The following SYT14 variants were observed in gnomAD, a reference collection of about 807,000 sequenced individuals.
SYT14 encodes the protein synaptotagmin-14.
SYT14 carries 32 observed loss-of-function variants against 74.2 expected under a neutral mutation model. The observed-to-expected ratio is 0.43, with a 90% confidence interval of 0.33 to 0.58. SYT14 has a LOEUF of 0.58. SYT14 is among the 20% of genes least tolerant of loss of function. The probability of loss-of-function intolerance (pLI) is 0.05; values close to 1 mark genes in which losing one functional copy is unlikely to be tolerated. For missense variants in SYT14, 791 were observed against 981.8 expected, an observed-to-expected ratio of 0.81 and a Z score of 2.60; for synonymous variants, 298 against 337.7, an observed-to-expected ratio of 0.88 and a Z score of 1.29.
At chr1:210,022,969 G>A (rs186134948) in intron 5 of SYT14, among the ~76,000 whole-genome samples, 2 of 152,140 alleles carry the variant, frequency 1.3e-5, no homozygotes, top group Non-Finnish European at 2.9e-5. Context: ...ACACAATCTA[G>A]GTGCTTCTAC....
chr1:209,997,212 G>A (rs1460547702), intron 2 of SYT14, among the ~76,000 whole-genome samples: 4 of 152,058 alleles, frequency 2.6e-5, no homozygotes, highest in African/African-American at 7.2e-5. Context: ...GATTCTACAC[G>A]TAGAAAATCC....
chr1:210,140,770 A>G (rs903888382), intron 7 of SYT14, among the ~76,000 whole-genome samples: 9 of 151,988 alleles, frequency 5.9e-5, no homozygotes, highest in Non-Finnish European at 5.9e-5. Flanking sequence ...TTTTTCATTT[A>G]TTTGTGTTGG....
chr1:209,987,947 G>GT (rs1430550984), intron 2 of SYT14, among the ~76,000 whole-genome samples: 2 of 151,762 alleles, frequency 1.3e-5, no homozygotes, highest in East Asian at 3.9e-4. Flanking sequence ...AGTTTTCTTC[G>GT]TTTTTTTCTT....
chr1:210,155,866 T>G, exon 8 of SYT14: 1 of 1,614,096 alleles, frequency 6.2e-7, no homozygotes, highest in Non-Finnish European at 8.5e-7. Flanking sequence ...GCAGAAGTGA[T>G]AAAAGGCAGC....
intron 2 of SYT14, among the ~76,000 whole-genome samples, chr1:209,956,645 C>G (rs949552021): frequency 2.6e-5 from 4 of 152,154 alleles, no homozygotes; most frequent in African/African-American, 9.7e-5. Context: ...CCAAGAAGTA[C>G]AGCAACCTAT....
chr1:210,077,342 A>G (rs1296945953), intron 5 of SYT14, among the ~76,000 whole-genome samples: 1 of 152,168 alleles, frequency 6.6e-6, no homozygotes, highest in African/African-American at 2.4e-5. Context: ...CCACCCCATC[A>G]CCCAAACGCT....
intron 5 of SYT14, among the ~76,000 whole-genome samples, chr1:210,086,387 A>C (rs2081731586): frequency 6.6e-6 from 1 of 152,188 alleles, no homozygotes; most frequent in Admixed American, 6.5e-5. Context: ...ATATGGACTC[A>C]TAGTTTTCTC....
intron 2 of SYT14, among the ~76,000 whole-genome samples, chr1:209,983,230 T>TC (rs201893032): frequency 0.027 from 4,165 of 152,308 alleles, 88 homozygotes; most frequent in Non-Finnish European, 0.042. Flanking sequence ...CTATTTTTTT[T>TC]CATGGATTGT....
intron 4 of SYT14, among the ~76,000 whole-genome samples, chr1:210,018,445 T>C (rs575861995): frequency 6.6e-6 from 1 of 152,218 alleles, no homozygotes; most frequent in South Asian, 2.1e-4. Context: ...TCTAGCAGTT[T>C]TTTGATTGTC....
At chr1:210,079,348 A>G (rs1299703021) in intron 5 of SYT14, among the ~76,000 whole-genome samples, 1 of 152,150 alleles carries the variant, frequency 6.6e-6, no homozygotes, top group African/African-American at 2.4e-5. Flanking sequence ...TGTTACCGTT[A>G]TATCCATGTG....
chr1:210,035,027 T>C (rs535940662), intron 5 of SYT14, among the ~76,000 whole-genome samples: 1 of 152,052 alleles, frequency 6.6e-6, no homozygotes, highest in East Asian at 1.9e-4. Flanking sequence ...GTAGATCTAC[T>C]TTTAATTGTT....
intron 2 of SYT14, among the ~76,000 whole-genome samples, chr1:209,993,434 G>C (rs868730805): frequency 2.6e-5 from 4 of 152,300 alleles, no homozygotes; most frequent in African/African-American, 9.6e-5. Flanking sequence ...CTGACCCCAA[G>C]CTGCGGGACA....
At chr1:210,070,238 A>T (rs1441736011) in intron 5 of SYT14, among the ~76,000 whole-genome samples, 2 of 152,072 alleles carry the variant, frequency 1.3e-5, no homozygotes, top group Admixed American at 6.6e-5. Context: ...GAAGGCCTGG[A>T]TCTCAAATAT....
chr1:210,091,541 T>G (rs2081867815), intron 5 of SYT14, among the ~76,000 whole-genome samples: 1 of 152,072 alleles, frequency 6.6e-6, no homozygotes, highest in African/African-American at 2.4e-5. Context: ...GTTTTTAAAA[T>G]TAGCCAGGCA....
At chr1:210,089,070 A>C (rs2081807341) in intron 5 of SYT14, among the ~76,000 whole-genome samples, 1 of 151,554 alleles carries the variant, frequency 6.6e-6, no homozygotes, top group Non-Finnish European at 1.5e-5. Flanking sequence ...TGATGTTCCC[A>C]TCTCTGTGTC....
At chr1:210,016,014 T>C (rs2080175415) in exon 4 of SYT14, 2 of 1,231,948 alleles carry the variant, frequency 1.6e-6, no homozygotes, top group Non-Finnish European at 2.0e-6. Context: ...ATGGCATTTT[T>C]CAGAAATTTC....
At chr1:209,940,477 G>A (rs568791665) in intron 1 of SYT14, among the ~76,000 whole-genome samples, 3 of 151,960 alleles carry the variant, frequency 2.0e-5, no homozygotes, top group East Asian at 3.9e-4. Context: ...TGTTCTATTC[G>A]GAGAGACAGA....
At chr1:209,985,258 G>C (rs933208576) in intron 2 of SYT14, among the ~76,000 whole-genome samples, 5 of 152,220 alleles carry the variant, frequency 3.3e-5, no homozygotes, top group Non-Finnish European at 5.9e-5. Flanking sequence ...TAGAGACATT[G>C]GGTAAACATT....
At chr1:210,003,591 A>G (rs1046004487) in intron 2 of SYT14, among the ~76,000 whole-genome samples, 1 of 151,900 alleles carries the variant, frequency 6.6e-6, no homozygotes, top group Non-Finnish European at 1.5e-5. Context: ...TTTTTTCCTC[A>G]CATAGGCCCT....
Sources: gnomAD v4.1 joint callset for allele counts (sites outside exome capture counted in the v4.1 genomes callset) on GRCh38, gnomAD v4.1.1 for gene constraint, MANE v1.5 for transcripts, NCBI Gene and HGNC (gene_info 2026-07-23, HGNC 2026-07-21) for gene names.